OSMR: variants seen among roughly 807,000 people sequenced by gnomAD.
The protein encoded by OSMR is oncostatin M receptor, also known as oncostatin-M-specific receptor subunit beta.
A neutral mutation model predicts 99.9 loss-of-function variants in OSMR; 81 were observed. The ratio of observed to expected loss-of-function variants is 0.81; its 90% CI spans 0.68 to 0.97. The LOEUF (loss-of-function observed/expected upper bound fraction) is 0.97. Ranked by LOEUF, OSMR falls within the 50% of genes least tolerant of loss-of-function variation. OSMR has a pLI of 0.00. For synonymous variants in OSMR, 406 were observed against 410.4 expected (o/e 0.99, Z 0.13); for missense variants, 1,099 against 1,153.4 (o/e 0.95, Z 0.68).
intron 1 of OSMR, among the ~76,000 whole-genome samples, chr5:38,861,927 C>T (rs1741394013): frequency 7.7e-6 from 1 of 129,182 alleles, no homozygotes; most frequent in African/African-American, 2.9e-5. Flanking sequence ...GGGGGGCTGA[C>T]CCCCCCACCT....
intron 1 of OSMR, among the ~76,000 whole-genome samples, chr5:38,854,134 C>T (rs1579619363): frequency 6.6e-6 from 1 of 152,078 alleles, no homozygotes; most frequent in Non-Finnish European, 1.5e-5. Context: ...AGGACTCTTT[C>T]ATAAATGCAT....
In OSMR at chr5:38,933,779, G is replaced by T; in HGVS notation, c.*335G>T. 3.8e-6 allele frequency: 1 copy of T among 265,654 alleles called. No individual in the cohort carries two copies. The highest frequency in any genetic ancestry group is 2.2e-5 in the African/African-American group (1 of 46,080). 16.5% of individuals were successfully genotyped at this position (265,654 alleles called of 1,614,324 possible). A position where few individuals can be genotyped will look rare whatever the true frequency, so the allele number is the denominator to read the frequency against. ...CTCCCACTCAGTACTGTACAGGGTG[G>T]CTGTGGTCCTAGAAGTTCAGTTTTT... On this transcript the variant is annotated 3_prime_UTR_variant, in exon 18 of 18. Coordinates refer to ENST00000274276, the MANE Select transcript of OSMR (RefSeq NM_003999.3).
chr5:38,932,762 A>C (rs1435578840), intron 17 of OSMR, 110 bp from the exon 18 acceptor site: 3 of 1,547,184 alleles, frequency 1.9e-6, no homozygotes, highest in Non-Finnish European at 2.6e-6. Flanking sequence ...ACCAGGAAGA[A>C]ACATGAAGAA....
At chr5:38,852,550 A>T (rs1215071990) in intron 1 of OSMR, among the ~76,000 whole-genome samples, 1 of 151,958 alleles carries the variant, frequency 6.6e-6, no homozygotes, top group Non-Finnish European at 1.5e-5. Flanking sequence ...ATTCTTAGTG[A>T]TCTTGCCAAG....
At chr5:38,944,947 T>G in exon 3 of OSMR, 1 of 1,614,086 alleles carries the variant, frequency 6.2e-7, no homozygotes, top group East Asian at 2.2e-5. Context: ...TGCTGCTAGC[T>G]GAGCCTTCTT....
chr5:38,912,610 A>G (rs1395725842), intron 9 of OSMR, among the ~76,000 whole-genome samples: 2 of 152,226 alleles, frequency 1.3e-5, no homozygotes, highest in East Asian at 3.8e-4. Flanking sequence ...AAGAGCCTAT[A>G]TAGACAAAGC....
At chr5:38,854,042 TAA>T (rs542459630) in intron 1 of OSMR, among the ~76,000 whole-genome samples, 3 of 139,504 alleles carry the variant, frequency 2.2e-5, no homozygotes, top group African/African-American at 2.6e-5. Context: ...GCAGTACTCT[TAA>T]AAAAAAAAAA....
intron 1 of OSMR, among the ~76,000 whole-genome samples, chr5:38,854,342 C>G (rs1740686018): frequency 6.6e-6 from 1 of 152,102 alleles, no homozygotes; most frequent in Non-Finnish European, 1.5e-5. Flanking sequence ...TCAGTAATGA[C>G]AGAACAAGAA....
Position 38,933,380 on chromosome 5 carries a change from C to T in OSMR, c.2876C>T (p.Pro959Leu). ...MAVSLRLALP[P>L]PTENSSLSSI... is the part of the protein sequence containing the mutation. The stretch of plus-strand genomic sequence containing the variant: ...GTCTCCCTGCGTCTTGCCTTGCCTC[C>T]CCCGACCGAGAATAGCAGCCTCTCC... Residue 959 changes from proline to leucine, a missense_variant, in exon 18 of 18, where the codon CCC becomes CTC. Transcript: ENST00000274276. 1.9e-6 allele frequency: 3 copies of T among 1,614,040 alleles called. No individual in the cohort carries two copies. Among genetic ancestry groups the T allele is most frequent in the Middle Eastern group, 1.6e-4 (1 of 6,062 alleles).
chr5:38,900,769 T>C (rs962635850), intron 7 of OSMR, among the ~76,000 whole-genome samples: 4 of 152,218 alleles, frequency 2.6e-5, no homozygotes, highest in East Asian at 1.9e-4. Context: ...AGTATTTTTT[T>C]TGTGTAAGGT....
intron 2 of OSMR, among the ~76,000 whole-genome samples, chr5:38,873,656 T>C (rs1033875343): frequency 6.6e-6 from 1 of 152,170 alleles, no homozygotes; most frequent in Admixed American, 6.6e-5. Context: ...GTTATTTCCA[T>C]TTTAAAAATT....
At position 38,846,375 on chromosome 5, in the gene OSMR, G is replaced by C. The variant is rs1372559554; in HGVS notation, c.-26G>C. On this transcript the variant is annotated 5_prime_UTR_variant, in exon 1 of 18. Coordinates refer to ENST00000274276, the MANE Select transcript of OSMR (RefSeq NM_003999.3). ...GGCGCTCGGAGGGTCCTCGCCCCCG[G>C]CCTGCCTACCTGGTGGGTGAAAACT... is the stretch of plus-strand genomic sequence containing the variant. 6.6e-6 allele frequency: 1 copy of C among 152,314 alleles called. No individual in the cohort carries two copies. The highest frequency in any genetic ancestry group is 1.5e-5 in the Non-Finnish European group (1 of 68,098). 9.4% of individuals were successfully genotyped at this position (152,314 alleles called of 1,614,324 possible). A position where few individuals can be genotyped will look rare whatever the true frequency, so the allele number is the denominator to read the frequency against.
chr5:38,886,452 A>G, intron 7 of OSMR: 1 of 872,926 alleles, frequency 1.1e-6, no homozygotes. Flanking sequence ...CTTCTGTCAT[A>G]TCTCATCCTG....
intron 2 of OSMR, chr5:38,944,359 A>C: frequency 7.4e-7 from 1 of 1,349,086 alleles, no homozygotes; most frequent in Non-Finnish European, 1.0e-6. Flanking sequence ...TAAGTTAACT[A>C]GCCTAACTTT....
intron 2 of OSMR, among the ~76,000 whole-genome samples, chr5:38,870,560 C>T (rs1259809448): frequency 1.3e-5 from 2 of 152,122 alleles, no homozygotes; most frequent in East Asian, 3.9e-4. Flanking sequence ...AATGCAGGTT[C>T]AGTTGCTTGC....
chr5:38,856,170 T>C (rs1287192392), intron 1 of OSMR, among the ~76,000 whole-genome samples: 1 of 152,182 alleles, frequency 6.6e-6, no homozygotes, highest in Non-Finnish European at 1.5e-5. Flanking sequence ...TGAGGACTTC[T>C]TGGGTCTTGG....
rs553843370 is a variant in OSMR, at chr5:38,886,276, T to A, written c.991+86T>A. The A allele has an allele frequency of 1.2e-5, 19 of 1,606,362 alleles. No individual in the cohort carries two copies. In the East Asian group the frequency reaches 4.0e-4, roughly 34 times the overall value. Reference sequence around the variant, plus strand: ...TGTGATCAAGTAAATGTGCTGTAGATCTTTGCCTCATTCACAGCGGAGGTG... The same window carrying A: ...TGTGATCAAGTAAATGTGCTGTAGAACTTTGCCTCATTCACAGCGGAGGTG... On this transcript the variant is annotated intron_variant, in intron 7 of 17. Coordinates refer to ENST00000274276, the MANE Select transcript of OSMR (RefSeq NM_003999.3).
intron 9 of OSMR, among the ~76,000 whole-genome samples, chr5:38,912,874 T>C (rs774373122): frequency 2.0e-5 from 3 of 152,154 alleles, no homozygotes; most frequent in Non-Finnish European, 2.9e-5. Context: ...GCTAGCTATG[T>C]GTGGAAGAAT....
At chr5:38,850,348 A>G (rs1381815226) in intron 1 of OSMR, among the ~76,000 whole-genome samples, 3 of 152,214 alleles carry the variant, frequency 2.0e-5, no homozygotes, top group Admixed American at 2.0e-4. Context: ...GATTTCTTTT[A>G]AAATTACATG....
Sources: allele counts gnomAD v4.1 joint callset (sites outside exome capture counted in the v4.1 genomes callset), GRCh38; gene constraint gnomAD v4.1.1; transcripts MANE v1.5; gene names NCBI Gene and HGNC (gene_info 2026-07-23, HGNC 2026-07-21).